The following PDK1 variants were observed in gnomAD, a reference collection of about 807,000 sequenced individuals.
PDK1 encodes pyruvate dehydrogenase kinase 1, also known as [Pyruvate dehydrogenase (acetyl-transferring)] kinase isozyme 1, mitochondrial.
PDK1 carries 39 observed loss-of-function variants against 54.2 expected under a neutral mutation model. The observed-to-expected ratio is 0.72, with a 90% CI of 0.56 to 0.94. PDK1 has a LOEUF of 0.94. PDK1 is among the 40% of genes least tolerant of loss of function. The pLI is 0.00. For synonymous variants in PDK1, 221 were observed against 207.1 expected (o/e 1.07, Z -0.58); for missense variants, 552 against 566.0 (o/e 0.98, Z 0.25).
At chr2:172,673,563 CT>C in the PDK1 span, among the ~76,000 whole-genome samples, 1 of 152,096 alleles carries the variant, frequency 6.6e-6, no homozygotes, top group Non-Finnish European at 1.5e-5. Flanking sequence ...CCTGACATTC[CT>C]GGTGTGTGTG....
At chr2:172,686,015 G>A in the PDK1 span, among the ~76,000 whole-genome samples, 2 of 152,340 alleles carry the variant, frequency 1.3e-5, no homozygotes, top group African/African-American at 4.8e-5. Flanking sequence ...AATTCCAGGA[G>A]CTGTGTTAAG....
chr2:172,694,340 T>G, the PDK1 span, among the ~76,000 whole-genome samples: 8,135 of 152,304 alleles, frequency 0.053, 417 homozygotes, highest in East Asian at 0.22. Context: ...CCATTAGAAT[T>G]TTATTTCTTC....
chr2:172,648,142 C>G, the PDK1 span, among the ~76,000 whole-genome samples: 1 of 152,092 alleles, frequency 6.6e-6, no homozygotes, highest in East Asian at 1.9e-4. Context: ...GATTCTGGAC[C>G]AGAAAAAGGA....
chr2:172,646,984 G>A, the PDK1 span, among the ~76,000 whole-genome samples: 10 of 152,006 alleles, frequency 6.6e-5, no homozygotes, highest in Middle Eastern at 0.01. Context: ...TGATCCACCC[G>A]CCTTGACCTC....
the PDK1 span, among the ~76,000 whole-genome samples, chr2:172,631,599 T>A: frequency 6.6e-6 from 1 of 152,232 alleles, no homozygotes; most frequent in Admixed American, 6.5e-5. Flanking sequence ...GATTTTTGTT[T>A]CCTGAGTAAA....
the PDK1 span, among the ~76,000 whole-genome samples, chr2:172,652,510 A>G: frequency 6.6e-6 from 1 of 152,162 alleles, no homozygotes. Context: ...ATTCAATTAG[A>G]AAAAGAGGAA....
At chr2:172,624,770 G>T in the PDK1 span, among the ~76,000 whole-genome samples, 1 of 152,080 alleles carries the variant, frequency 6.6e-6, no homozygotes, top group East Asian at 1.9e-4. Context: ...AGGCCGAGGT[G>T]GGCGGATCAC....
Position 172,586,287 on chromosome 2 carries a change from C to G in PDK1, c.955C>G (p.Arg319Gly). 1.2e-6 allele frequency: 2 copies of G among 1,606,978 alleles called. No individual in the cohort carries two copies. The highest frequency in any genetic ancestry group is 1.1e-5 in the South Asian group (1 of 90,914). Residue 319 changes from arginine (R) to glycine (G), a missense_variant, in exon 9 of 11, where the codon CGA (arginine) becomes GGA (glycine). Physicochemically the swap from Arg to Gly is moderately radical, Grantham distance 125. Transcript: ENST00000282077. ...NEDLTVKMSD[R>G]GGGVPLRKID... The stretch of plus-strand genomic sequence containing the variant: ...CCTTTTCTTACCTTAGATGAGTGAC[C>G]GAGGAGGTGGCGTTCCTTTGAGGAA...
chr2:172,706,396 G>T, the PDK1 span, among the ~76,000 whole-genome samples: 1 of 150,338 alleles, frequency 6.7e-6, no homozygotes, highest in South Asian at 2.1e-4. Context: ...CTGTCATCCT[G>T]ATCTTGGTGT....
intron 9 of PDK1, among the ~76,000 whole-genome samples, chr2:172,588,660 G>A (rs994707695): frequency 2.0e-5 from 3 of 152,128 alleles, no homozygotes; most frequent in East Asian, 1.9e-4. Flanking sequence ...TGCTGACATC[G>A]CTTTGTAGAT....
chr2:172,555,823 G>A (rs1303231232), upstream of PDK1: 4 of 234,484 alleles, frequency 1.7e-5, no homozygotes, highest in South Asian at 1.5e-4. Flanking sequence ...CGGCCGACAC[G>A]CTCACCCCAC....
intron 8 of PDK1, among the ~76,000 whole-genome samples, chr2:172,579,324 T>C (rs948266457): frequency 3.9e-5 from 6 of 152,136 alleles, no homozygotes; most frequent in Non-Finnish European, 5.9e-5. Context: ...GCTACCAGGC[T>C]GCTGGTTTCA....
Position 172,607,248 on chromosome 2 carries a change from G to T in PDK1, c.*11279G>T, listed in dbSNP as rs1305701811. 1 of 152,182 alleles carries T rather than the reference G, an allele frequency of 6.6e-6. No homozygotes were observed. The highest frequency in any genetic ancestry group is 2.4e-5 in the African/African-American group (1 of 41,456). 9.4% of individuals were successfully genotyped at this position (152,182 alleles called of 1,614,324 possible). ...CCAGGCTGCAGTGAGCTATGATTGTGCTGCTGCACTCCAGCCTGGGTGACA... is the reference window on the plus strand; with the variant it reads ...CCAGGCTGCAGTGAGCTATGATTGTTCTGCTGCACTCCAGCCTGGGTGACA... On this transcript the variant is annotated 3_prime_UTR_variant, in exon 11 of 11. Transcript: ENST00000282077.
chr2:172,566,693 C>CAAAAAAAAAAA (rs764324321), intron 5 of PDK1, among the ~76,000 whole-genome samples, 163 bp from the exon 6 acceptor site: 1 of 59,568 alleles, frequency 1.7e-5, no homozygotes. Flanking sequence ...ATGTCTCTAC[C>CAAAAAAAAAAA]AAAAAAAAAA....
chr2:172,688,492 TCTTA>T, the PDK1 span, among the ~76,000 whole-genome samples: 1 of 152,180 alleles, frequency 6.6e-6, no homozygotes, highest in South Asian at 2.1e-4. Flanking sequence ...CCAAGCCCCA[TCTTA>T]CTGACTGTTG....
At chr2:172,706,732 A>G in the PDK1 span, among the ~76,000 whole-genome samples, 172 of 152,198 alleles carry the variant, frequency 1.1e-3, no homozygotes, top group South Asian at 5.4e-3. Context: ...CTGGGCTTCA[A>G]TTGTCTTTTC....
chr2:172,698,896 TA>T, the PDK1 span, among the ~76,000 whole-genome samples: 1 of 152,168 alleles, frequency 6.6e-6, no homozygotes, highest in South Asian at 2.1e-4. Flanking sequence ...AGGTGATTTT[TA>T]TGTGCTGCTA....
At chr2:172,624,673 C>T in the PDK1 span, among the ~76,000 whole-genome samples, 1 of 152,016 alleles carries the variant, frequency 6.6e-6, no homozygotes, top group South Asian at 2.1e-4. Context: ...GGGGGTAAAC[C>T]AATGGAGAGG....
chr2:172,659,252 C>T, the PDK1 span, among the ~76,000 whole-genome samples: 1 of 152,154 alleles, frequency 6.6e-6, no homozygotes, highest in Non-Finnish European at 1.5e-5. Flanking sequence ...GGGGCGGTTT[C>T]CCCCGATAAA....
Sources: gnomAD v4.1 joint callset for allele counts (sites outside exome capture counted in the v4.1 genomes callset) on GRCh38, gnomAD v4.1.1 for gene constraint, MANE v1.5 for transcripts, NCBI Gene and HGNC (gene_info 2026-07-23, HGNC 2026-07-21) for gene names.